PIP4K2B: variants seen among roughly 807,000 people sequenced by gnomAD.
The protein encoded by PIP4K2B is phosphatidylinositol-5-phosphate 4-kinase type 2 beta.
In PIP4K2B, 3 loss-of-function variants were observed where a neutral mutation model predicts 42.0. The ratio of observed to expected loss-of-function variants is 0.07; its 90% CI spans 0.03 to 0.18. The LOEUF (loss-of-function observed/expected upper bound fraction) is 0.18. Among genes scored for constraint, PIP4K2B ranks in the 10% least tolerant of loss-of-function variants. PIP4K2B has a pLI of 1.00. For synonymous variants in PIP4K2B, 204 were observed against 210.1 expected (o/e 0.97, Z 0.25); for missense variants, 332 against 562.3 (o/e 0.59, Z 4.14).
intron 1 of PIP4K2B, among the ~76,000 whole-genome samples, chr17:38,788,545 A>T (rs1172705224): frequency 1.3e-5 from 2 of 150,836 alleles, no homozygotes; most frequent in African/African-American, 4.9e-5. Context: ...CCACTGCCCC[A>T]CTTGGACCCT....
chr17:38,786,858 G>GTA lies in PIP4K2B; in HGVS notation c.220_221dup (p.Ser75ThrfsTer48). 1 of 1,612,748 alleles carries GTA rather than the reference G, an allele frequency of 6.2e-7. No individual in the cohort carries two copies. Among genetic ancestry groups the GTA allele is most frequent in the Non-Finnish European group, 8.5e-7 (1 of 1,178,750 alleles). Reference sequence around the variant, plus strand: ...GATGATTGTCCACCTTGATCTTGCTGTAGGCTTTGAAGTCATCTGGCATTA... The same window carrying GTA: ...GATGATTGTCCACCTTGATCTTGCTGTATAGGCTTTGAAGTCATCTGGCATTA... On this transcript the variant is annotated frameshift_variant, in exon 2 of 10. Transcript: ENST00000619039. LOFTEE classifies it high-confidence loss of function.
rs752317689 is a variant in PIP4K2B, at chr17:38,771,149, C to T, written c.931G>A (p.Gly311Arg). The change falls in exon 8 of 10, where the codon GGG (glycine) becomes AGG (arginine). Residue 311 changes from glycine (G) to arginine (R), a missense_variant. This residue lies in a region of PIP4K2B where 63 missense variants were observed against 71.6 expected (regional missense o/e 0.88). Transcript: ENST00000619039. ...GAGCAGAGTAGGTTGCCACCCACCCCATCATTCTCACACTCCTCGTCCTCT... is the reference window on the plus strand; with the variant it reads ...GAGCAGAGTAGGTTGCCACCCACCCTATCATTCTCACACTCCTCGTCCTCT... ...RAEDEECEND[G>R]VGGNLLCSYG... The T allele has an allele frequency of 2.6e-5, 42 of 1,614,034 alleles. No individual in the cohort carries two copies. The highest frequency in any genetic ancestry group is 3.6e-5 in the Non-Finnish European group (42 of 1,180,020).
chr17:38,784,046 T>C (rs1033006902), intron 3 of PIP4K2B, among the ~76,000 whole-genome samples, 197 bp downstream of exon 3: 35 of 152,138 alleles, frequency 2.3e-4, no homozygotes, highest in African/African-American at 8.4e-4. Context: ...GTGTGCAGCA[T>C]CCTCAGAAGC....
Position 38,771,212 on chromosome 17 carries a change from G to A in PIP4K2B, c.868C>T (p.Arg290Trp). 2 of 1,614,026 alleles carry A rather than the reference G, an allele frequency of 1.2e-6. No individual in the cohort carries two copies. The highest frequency in any genetic ancestry group is 2.2e-5 in the East Asian group (1 of 44,868). Residue 290 changes from arginine (R) to tryptophan (W), a missense_variant, in exon 8 of 10, where the codon CGG becomes TGG. Around this residue, in one of 6 missense-constraint regions of PIP4K2B, gnomAD observed 15 missense variants for 45.2 expected, o/e 0.33. Coordinates refer to ENST00000619039, the MANE Select transcript of PIP4K2B (RefSeq NM_003559.5). ...ACCTCCATCTCCTCCTGCTCTGCCCGGTCCACGTCGTGGATGCCCACCAGC... is the reference window on the plus strand; with the variant it reads ...ACCTCCATCTCCTCCTGCTCTGCCCAGTCCACGTCGTGGATGCCCACCAGC... ...SLLVGIHDVD[R>W]AEQEEMEVEE... is the part of the protein sequence containing the mutation.
Position 38,791,119 on chromosome 17 carries a change from G to A in PIP4K2B, c.160-4199C>T, listed in dbSNP as rs150776076. Among the ~76,000 whole-genome samples the A allele has an allele frequency of 3.7e-3, 570 of 152,272 alleles. 4 individuals carry two copies. Among genetic ancestry groups the A allele is most frequent in the Middle Eastern group, 6.8e-3 (2 of 294 alleles). Reference sequence around the variant, plus strand: ...CAAAGTCAAAGCAGTATGCAATTAAGTGAGAATCCAGGGATACAGACATCA... The same window carrying A: ...CAAAGTCAAAGCAGTATGCAATTAAATGAGAATCCAGGGATACAGACATCA... On this transcript the variant is annotated intron_variant, in intron 1 of 9. Transcript: ENST00000619039.
rs1295347828 is a variant in PIP4K2B at position 38,767,731 on chromosome 17, C to G, written c.*1960G>C. The stretch of plus-strand genomic sequence containing the variant: ...CAGAGATGCTGCGCCTGACGAGGAG[C>G]AGATCCAAACTTCCATTCTTCATTA... On this transcript the variant is annotated 3_prime_UTR_variant, in exon 10 of 10. Transcript: ENST00000619039. 6.6e-6 allele frequency: 1 copy of G among 152,250 alleles called. No homozygotes were observed. The highest frequency in any genetic ancestry group is 1.9e-4 in the East Asian group (1 of 5,204). 9.4% of individuals were successfully genotyped at this position (152,250 alleles called of 1,614,324 possible).
At chr17:38,788,479 C>T (rs868183673) in intron 1 of PIP4K2B, among the ~76,000 whole-genome samples, 2 of 151,904 alleles carry the variant, frequency 1.3e-5, no homozygotes, top group African/African-American at 4.8e-5. Context: ...GGATTACAGG[C>T]ATGAGCCACT....
In PIP4K2B at chr17:38,786,803, C is replaced by T; in HGVS notation, c.257+20G>A. 1 of 1,504,748 alleles carries T rather than the reference C, an allele frequency of 6.6e-7. No individual in the cohort carries two copies. The highest frequency in any genetic ancestry group is 1.4e-5 in the African/African-American group (1 of 72,910). 93.2% of individuals were successfully genotyped at this position (1,504,748 alleles called of 1,614,324 possible). ...AAAGGACTGCCCACAAAACCTGAGT[C>T]CACTCAGTAGACAACTTACTTATTG... On this transcript the variant is annotated intron_variant, in intron 2 of 9. Transcript: ENST00000619039.
chr17:38,769,816 A>T, intron 9 of PIP4K2B, 45 bp from the exon 10 acceptor site: 3 of 1,598,456 alleles, frequency 1.9e-6, no homozygotes, highest in South Asian at 2.2e-5. Flanking sequence ...CCTGTGCCCC[A>T]ATCAGGAGGC....
intron 1 of PIP4K2B, among the ~76,000 whole-genome samples, chr17:38,789,160 C>G (rs1385605824): frequency 6.6e-6 from 1 of 152,308 alleles, no homozygotes; most frequent in East Asian, 1.9e-4. Context: ...TTCCTGATGT[C>G]AAGTCCTGCC....
intron 1 of PIP4K2B, among the ~76,000 whole-genome samples, chr17:38,791,755 G>A (rs990005932): frequency 2.7e-5 from 4 of 150,018 alleles, no homozygotes; most frequent in African/African-American, 7.3e-5. Flanking sequence ...GTGTATTAAG[G>A]GCCTTACTAT....
Position 38,771,128 on chromosome 17 carries a change from A to C in PIP4K2B, c.952T>G (p.Cys318Gly). The C allele has an allele frequency of 6.2e-7, 1 of 1,614,142 alleles. No homozygotes were observed. The highest frequency in any genetic ancestry group is 8.5e-7 in the Non-Finnish European group (1 of 1,180,028). The change falls in exon 8 of 10, where the codon TGC becomes GGC. Residue 318 changes from cysteine (C) to glycine (G), a missense_variant. Cys to Gly is a radical substitution (Grantham distance 159). Coordinates refer to ENST00000619039, the MANE Select transcript of PIP4K2B (RefSeq NM_003559.5). ...CTGTCCGGAGGTGTGCCATAGGAGC[A>C]GAGTAGGTTGCCACCCACCCCATCA... ...ENDGVGGNLL[C>G]SYGTPPDSPG...
intron 7 of PIP4K2B, among the ~76,000 whole-genome samples, chr17:38,775,476 G>A (rs1598045021): frequency 6.6e-6 from 1 of 152,098 alleles, no homozygotes; most frequent in African/African-American, 2.4e-5. Context: ...CCAACTTCTG[G>A]CCTCAAGCAG....
intron 1 of PIP4K2B, among the ~76,000 whole-genome samples, chr17:38,793,405 G>A (rs978408144): frequency 9.3e-5 from 14 of 151,244 alleles, no homozygotes; most frequent in Non-Finnish European, 1.8e-4. Flanking sequence ...CACCATGCCC[G>A]ACTAATTTTT....
chr17:38,766,118 G>A lies in PIP4K2B; in HGVS notation c.*3573C>T, dbSNP rs1383024283. On this transcript the variant is annotated 3_prime_UTR_variant, in exon 10 of 10. Coordinates refer to ENST00000619039, the MANE Select transcript of PIP4K2B (RefSeq NM_003559.5). ...GACAGCTGAGTCTCCTTTTCCCCATGGGGCACTCTTCATAAGTGGCACATT... is the reference window on the plus strand; with the variant it reads ...GACAGCTGAGTCTCCTTTTCCCCATAGGGCACTCTTCATAAGTGGCACATT... 1 of 152,358 alleles carries A rather than the reference G, an allele frequency of 6.6e-6. No homozygotes were observed. Among genetic ancestry groups the A allele is most frequent in the African/African-American group, 2.4e-5 (1 of 41,456 alleles). The allele number at this position is 152,358 out of a possible 1,614,324, so 9.4% of individuals were successfully genotyped here. A position where few individuals can be genotyped will look rare whatever the true frequency, so the allele number is the denominator to read the frequency against.
chr17:38,777,157 G>A (rs553146172), intron 7 of PIP4K2B, among the ~76,000 whole-genome samples: 13 of 152,248 alleles, frequency 8.5e-5, no homozygotes, highest in East Asian at 5.8e-4. Flanking sequence ...CTCATCTCCC[G>A]GGCTCAAACA....
In PIP4K2B at chr17:38,799,311, G is replaced by A. The variant is rs1290973498; in HGVS notation, c.114C>T (p.Ala38=). The change falls in exon 1 of 10, where the codon GCC becomes GCT. Residue 38 remains alanine, a synonymous_variant. Transcript: ENST00000619039. This position sits in a 1 kb window ranked among gnomAD's most constrained non-coding sequence, Gnocchi z 4.4. The part of the protein sequence containing the change: ...FVCQKVKLFR[A]SEPILSVLMW... ...TCAGGACGCTGAGGATCGGCTCGCT[G>A]GCCCGGAATAGCTTCACTTTCTGGC... 2 of 1,607,932 alleles carry A rather than the reference G, an allele frequency of 1.2e-6. No homozygotes were observed. The highest frequency in any genetic ancestry group is 1.3e-5 in the African/African-American group (1 of 74,318).
At position 38,780,491 on chromosome 17, in the gene PIP4K2B, G is replaced by A. The variant is rs1218837809; in HGVS notation, c.468C>T (p.Asp156=). 7 of 1,613,530 alleles carry A rather than the reference G, an allele frequency of 4.3e-6. No homozygotes were observed. Among genetic ancestry groups the A allele is most frequent in the East Asian group, 2.2e-5 (1 of 44,858 alleles). ...TTAAGATGTTGTGCATCTCCGCCAC[G>A]TCCTCGCTGGACACAGTCTTGATGA... The part of the protein sequence containing the change: ...RFVIKTVSSE[D]VAEMHNILKK... The change falls in exon 4 of 10, where the codon GAC becomes GAT. Residue 156 remains aspartate (D), a synonymous_variant. Coordinates refer to ENST00000619039, the MANE Select transcript of PIP4K2B (RefSeq NM_003559.5).
rs1028869716 is a variant in PIP4K2B at position 38,768,063 on chromosome 17, A to G, written c.*1628T>C. 2 of 152,252 alleles carry G rather than the reference A, an allele frequency of 1.3e-5. No individual in the cohort carries two copies. Among genetic ancestry groups the G allele is most frequent in the African/African-American group, 4.8e-5 (2 of 41,454 alleles). The allele number at this position is 152,252 out of a possible 1,614,324, so 9.4% of individuals were successfully genotyped here. ...AGACAGTGCTGGTTCCTGCTTCGGA[A>G]GCTGGGCTTGGCCAGGTTTGGAGGG... On this transcript the variant is annotated 3_prime_UTR_variant, in exon 10 of 10. Transcript: ENST00000619039.
Sources: allele counts gnomAD v4.1 joint callset (sites outside exome capture counted in the v4.1 genomes callset), GRCh38; gene constraint gnomAD v4.1.1; regional missense constraint gnomAD v4.1.1; non-coding constraint Gnocchi (gnomAD v3.1); transcripts MANE v1.5; gene names NCBI Gene and HGNC (gene_info 2026-07-23, HGNC 2026-07-21).